Variants in BMPR1A observed in about 807,000 individuals in gnomAD.
BMPR1A encodes the protein bone morphogenetic protein receptor type-1A.
Under a neutral mutation model 66.0 loss-of-function variants are expected in BMPR1A, and 7 were observed. That is an observed-to-expected ratio of 0.11 (90% confidence interval 0.06 to 0.20). The LOEUF is 0.20. Among genes scored for constraint, BMPR1A ranks in the 10% least tolerant of loss-of-function variants. The pLI, the probability that BMPR1A is intolerant of heterozygous loss-of-function variation, is 1.00. For missense variants in BMPR1A, 408 were observed against 669.1 expected, an observed-to-expected ratio of 0.61 and a Z score of 4.31; for synonymous variants, 200 against 229.7, an observed-to-expected ratio of 0.87 and a Z score of 1.17.
chr10:86,844,760 T>A (rs1000655477), intron 2 of BMPR1A, among the ~76,000 whole-genome samples: 2 of 152,202 alleles, frequency 1.3e-5, no homozygotes, highest in African/African-American at 4.8e-5. Context: ...TCAGGCTTTG[T>A]GTTGAACTAT....
chr10:86,922,594 A>G (rs1843683156), intron 11 of BMPR1A, among the ~76,000 whole-genome samples: 1 of 152,226 alleles, frequency 6.6e-6, no homozygotes, highest in Non-Finnish European at 1.5e-5. Context: ...CCAAGTTTAG[A>G]AAACCAGGCG....
chr10:86,822,517 T>G (rs1842133806), intron 1 of BMPR1A, among the ~76,000 whole-genome samples: 1 of 152,206 alleles, frequency 6.6e-6, no homozygotes, highest in South Asian at 2.1e-4. Context: ...AGTACAATGT[T>G]TAGAGTCTGG....
At chr10:86,781,148 C>G (rs1841432059) in intron 1 of BMPR1A, among the ~76,000 whole-genome samples, 1 of 152,122 alleles carries the variant, frequency 6.6e-6, no homozygotes. Context: ...GACACCATGC[C>G]CGGCTCTCAT....
intron 7 of BMPR1A, among the ~76,000 whole-genome samples, chr10:86,911,755 A>G (rs1453915366): frequency 6.6e-6 from 1 of 152,174 alleles, no homozygotes; most frequent in Non-Finnish European, 1.5e-5. Flanking sequence ...ATCTCAAAAA[A>G]TAAGTATTTG....
At chr10:86,833,726 T>C (rs549387036) in intron 1 of BMPR1A, among the ~76,000 whole-genome samples, 4 of 152,286 alleles carry the variant, frequency 2.6e-5, no homozygotes, top group African/African-American at 7.2e-5. Context: ...AAAAGAAGGA[T>C]CTGGGCTGAG....
chr10:86,914,606 A>G (rs1298413738), intron 8 of BMPR1A, among the ~76,000 whole-genome samples: 1 of 152,216 alleles, frequency 6.6e-6, no homozygotes, highest in Non-Finnish European at 1.5e-5. Context: ...AAGAATGGCA[A>G]ACAAGCACAT....
intron 1 of BMPR1A, among the ~76,000 whole-genome samples, chr10:86,763,142 C>T (rs1161540130): frequency 6.6e-6 from 1 of 152,128 alleles, no homozygotes; most frequent in Non-Finnish European, 1.5e-5. Flanking sequence ...GATCCGCCCA[C>T]CTCGGCCTCC....
chr10:86,890,267 A>T, intron 4 of BMPR1A, 43 bp downstream of exon 4: 1 of 1,600,444 alleles, frequency 6.2e-7, no homozygotes, highest in Admixed American at 1.7e-5. Flanking sequence ...AGGAGAATAG[A>T]GTTGCATTTA....
intron 2 of BMPR1A, among the ~76,000 whole-genome samples, chr10:86,862,637 G>A (rs1842727008): frequency 6.6e-6 from 1 of 152,168 alleles, no homozygotes; most frequent in Admixed American, 6.5e-5. Flanking sequence ...GAGCAGTGGA[G>A]GTAGTAGGAA....
chr10:86,899,331 A>C (rs1340280539), intron 5 of BMPR1A, among the ~76,000 whole-genome samples: 3 of 152,192 alleles, frequency 2.0e-5, no homozygotes, highest in African/African-American at 7.2e-5. Flanking sequence ...CTCACCATGG[A>C]TGCTCAACTT....
intron 1 of BMPR1A, among the ~76,000 whole-genome samples, chr10:86,813,653 C>T (rs1158772870): frequency 1.3e-5 from 2 of 152,192 alleles, no homozygotes; most frequent in Admixed American, 6.5e-5. Flanking sequence ...TCCATTTCCC[C>T]CCATTCCCTG....
intron 10 of BMPR1A, among the ~76,000 whole-genome samples, chr10:86,920,942 G>T (rs542840245): frequency 7.0e-6 from 1 of 143,520 alleles, no homozygotes; most frequent in South Asian, 2.2e-4. Context: ...TGCAGTCTCC[G>T]CCTCCCAGGT....
chr10:86,931,314 T>TATATATATATATATA (rs71019438), downstream of BMPR1A: 3 of 107,466 alleles, frequency 2.8e-5, no homozygotes, highest in African/African-American at 5.0e-5. Flanking sequence ...TATATATATA[T>TATATATATATATATA]TCAAGCAATG....
At chr10:86,776,556 C>T (rs995346586) in intron 1 of BMPR1A, among the ~76,000 whole-genome samples, 2 of 152,174 alleles carry the variant, frequency 1.3e-5, no homozygotes, top group Non-Finnish European at 2.9e-5. Flanking sequence ...TCCACTCAAG[C>T]AGTGGAATTT....
At chr10:86,777,904 C>T (rs9325591) in intron 1 of BMPR1A, among the ~76,000 whole-genome samples, 15,033 of 151,110 alleles carry the variant, frequency 0.099, 1,580 homozygotes, top group African/African-American at 0.27. Flanking sequence ...TCTCATCTAC[C>T]GGGGATGCTG....
chr10:86,782,526 T>G (rs1229038291), intron 1 of BMPR1A, among the ~76,000 whole-genome samples: 1 of 152,160 alleles, frequency 6.6e-6, no homozygotes, highest in Non-Finnish European at 1.5e-5. Context: ...TGTTTTTTTT[T>G]GATAGAGGTA....
chr10:86,858,151 A>AC (rs1464119107), intron 2 of BMPR1A, among the ~76,000 whole-genome samples: 1 of 152,004 alleles, frequency 6.6e-6, no homozygotes. Context: ...AAGGAGAAAA[A>AC]CTCTGTGCTC....
chr10:86,912,402 A>G lies in BMPR1A; in HGVS notation c.675+18A>G, dbSNP rs533369424. 8 of 1,613,672 alleles carry G rather than the reference A, an allele frequency of 5.0e-6. No individual in the cohort carries two copies. The highest frequency in any genetic ancestry group is 3.3e-4 in the Middle Eastern group (2 of 6,058). On this transcript the variant is annotated intron_variant, in intron 8 of 12. Coordinates refer to ENST00000372037, the MANE Select transcript of BMPR1A (RefSeq NM_004329.3). Reference sequence around the variant, plus strand: ...CTTTATTGGTAAGTTAAACGTTCCTATAGACATGAATGGTGTGTTGATTTA... The same window carrying G: ...CTTTATTGGTAAGTTAAACGTTCCTGTAGACATGAATGGTGTGTTGATTTA...
chr10:86,909,667 G>T (rs1368629900), intron 7 of BMPR1A, among the ~76,000 whole-genome samples: 2 of 151,910 alleles, frequency 1.3e-5, no homozygotes, highest in Admixed American at 1.3e-4. Flanking sequence ...TTTATTCTAA[G>T]AAGTGGAAAC....
Sources: allele counts gnomAD v4.1 joint callset (sites outside exome capture counted in the v4.1 genomes callset), GRCh38; gene constraint gnomAD v4.1.1; transcripts MANE v1.5; gene names NCBI Gene and HGNC (gene_info 2026-07-23, HGNC 2026-07-21).